The following CHODL variants were observed in gnomAD, a reference collection of about 807,000 sequenced individuals.
The protein encoded by CHODL is chondrolectin.
In CHODL, 29 loss-of-function variants were observed where a neutral mutation model predicts 34.5. The observed-to-expected ratio is 0.84, with a 90% CI of 0.63 to 1.15. The LOEUF is 1.15. Ranked by LOEUF, CHODL falls within the 50% of genes most tolerant of loss-of-function variation. The pLI, the probability that CHODL is intolerant of heterozygous loss-of-function variation, is 0.00. For missense variants in CHODL, 332 were observed against 332.5 expected (o/e 1.00, Z 0.01); for synonymous variants, 125 against 116.1 (o/e 1.08, Z -0.49).
In CHODL at chr21:17,999,889, TGAA is replaced by T. The variant is rs367830531; in HGVS notation, c.-144-27980_-144-27978del. On this transcript the variant is annotated intron_variant, in intron 1 of 6. Coordinates refer to the CHODL transcript ENST00000400127. ...TGTCAGTCTCCAGCTTGGTCGTGTGTGAAGATGTACACCAACCTCTCTGAGCCT... is the reference window on the plus strand; with the variant it reads ...TGTCAGTCTCCAGCTTGGTCGTGTGTGATGTACACCAACCTCTCTGAGCCT... 3.9e-4 allele frequency among the ~76,000 whole-genome samples: 59 copies of T among 152,316 alleles called. No individual in the cohort carries two copies. The South Asian group carries it at 0.012, about 31-fold the overall frequency.
chr21:18,048,665 C>A (rs528872017), intron 2 of CHODL, among the ~76,000 whole-genome samples: 66 of 151,962 alleles, frequency 4.3e-4, no homozygotes, highest in African/African-American at 1.4e-3. Context: ...GAATGGCATG[C>A]GAGGTAACTG....
intron 2 of CHODL, among the ~76,000 whole-genome samples, chr21:18,069,763 G>A (rs1359357049): frequency 2.0e-5 from 3 of 151,966 alleles, no homozygotes; most frequent in African/African-American, 7.2e-5. Flanking sequence ...CTACGGCTTA[G>A]AACATACTTT....
At chr21:18,000,479 C>T (rs563891957) in intron 1 of CHODL, among the ~76,000 whole-genome samples, 27 of 152,230 alleles carry the variant, frequency 1.8e-4, no homozygotes, top group Admixed American at 3.9e-4. Flanking sequence ...GCTTTGATGA[C>T]GATAAGTTGC....
intron 2 of CHODL, among the ~76,000 whole-genome samples, chr21:18,116,894 G>A (rs1038688891): frequency 1.3e-5 from 2 of 152,198 alleles, no homozygotes; most frequent in African/African-American, 2.4e-5. Flanking sequence ...CCAGATGAAT[G>A]AGCAAGGATG....
At chr21:18,201,485 T>C (rs1020859726) in intron 2 of CHODL, among the ~76,000 whole-genome samples, 5 of 152,128 alleles carry the variant, frequency 3.3e-5, no homozygotes, top group Non-Finnish European at 7.4e-5. Context: ...GACTTCTAGT[T>C]TGAAGGCCAG....
rs1348752233 is a variant in CHODL, at chr21:18,028,266, T to C, written c.-45+295T>C. On this transcript the variant is annotated intron_variant, in intron 2 of 6. Transcript: ENST00000400127. ...CTTCCCCTTTTCCTTTTCTTTTTCTTTTTCCTTTTCCCCTTCCTTCCTTCC... is the reference window on the plus strand; with the variant it reads ...CTTCCCCTTTTCCTTTTCTTTTTCTCTTTCCTTTTCCCCTTCCTTCCTTCC... 4.7e-4 allele frequency among the ~76,000 whole-genome samples: 21 copies of C among 44,306 alleles called. 1 individual carries two copies. Among genetic ancestry groups the C allele is most frequent in the African/African-American group, 2.2e-3 (18 of 8,312 alleles). 29.1% of individuals were successfully genotyped at this position (44,306 alleles called of 152,430 possible). A position where few individuals can be genotyped will look rare whatever the true frequency, so the allele number is the denominator to read the frequency against.
At chr21:18,098,051 A>C (rs1019911092) in intron 2 of CHODL, among the ~76,000 whole-genome samples, 1 of 152,100 alleles carries the variant, frequency 6.6e-6, no homozygotes, top group African/African-American at 2.4e-5. Context: ...CACCACATAC[A>C]AAAATAAAAT....
intron 2 of CHODL, among the ~76,000 whole-genome samples, chr21:18,040,814 A>T (rs1168974837): frequency 6.6e-6 from 1 of 151,798 alleles, no homozygotes; most frequent in Non-Finnish European, 1.5e-5. Flanking sequence ...AGGTGGTAAA[A>T]AAATCAGATG....
chr21:18,216,551 G>C (rs1056499048), intron 2 of CHODL, among the ~76,000 whole-genome samples: 2 of 152,020 alleles, frequency 1.3e-5, no homozygotes, highest in Admixed American at 1.3e-4. Flanking sequence ...TTTTGTGCCT[G>C]GCTTGTTTCA....
intron 5 of CHODL, among the ~76,000 whole-genome samples, chr21:18,265,507 T>G (rs1426776385): frequency 6.6e-6 from 1 of 151,786 alleles, no homozygotes; most frequent in African/African-American, 2.4e-5. Context: ...CACAGTGGAC[T>G]TTGGGGACTC....
At chr21:17,919,826 C>T (rs1385294240) in intron 1 of CHODL, among the ~76,000 whole-genome samples, 1 of 152,208 alleles carries the variant, frequency 6.6e-6, no homozygotes, top group Non-Finnish European at 1.5e-5. Context: ...GCACCCAAGT[C>T]ACCTCTTGAA....
chr21:17,934,672 C>T (rs1165396487), intron 1 of CHODL, among the ~76,000 whole-genome samples: 1 of 152,090 alleles, frequency 6.6e-6, no homozygotes, highest in Non-Finnish European at 1.5e-5. Context: ...TTTCATCCCA[C>T]CTCTTCCTTT....
rs527758046 is a variant in CHODL at position 18,007,865 on chromosome 21, A to T, written c.-144-20007A>T. On this transcript the variant is annotated intron_variant, in intron 1 of 6. Coordinates refer to the CHODL transcript ENST00000400127. Reference sequence around the variant, plus strand: ...ATTGTCAGTAAACATACTTTGGGTCAATTATTGATTCAGGTAGAATCTTAA... The same window carrying T: ...ATTGTCAGTAAACATACTTTGGGTCTATTATTGATTCAGGTAGAATCTTAA... Among the ~76,000 whole-genome samples the T allele has an allele frequency of 1.9e-4, 29 of 152,196 alleles. 1 individual carries two copies. Among genetic ancestry groups the T allele is most frequent in the Non-Finnish European group, 4.0e-4 (27 of 68,012 alleles).
chr21:18,109,738 A>C (rs186448329), intron 2 of CHODL, among the ~76,000 whole-genome samples: 4 of 152,174 alleles, frequency 2.6e-5, no homozygotes, highest in African/African-American at 9.7e-5. Flanking sequence ...TTTCTCTTGC[A>C]TGCAACAAAA....
intron 2 of CHODL, among the ~76,000 whole-genome samples, chr21:18,081,120 G>A (rs1453822078): frequency 1.3e-5 from 2 of 151,930 alleles, no homozygotes; most frequent in African/African-American, 4.8e-5. Context: ...ATTGCCTTCG[G>A]ATTTTGTCGT....
intron 2 of CHODL, among the ~76,000 whole-genome samples, chr21:18,104,638 T>A (rs1268067809): frequency 6.6e-6 from 1 of 152,182 alleles, no homozygotes; most frequent in African/African-American, 2.4e-5. Flanking sequence ...AAAAGTGACA[T>A]ACTTGAAGAA....
At chr21:18,265,853 T>C in intron 5 of CHODL, 101 bp from the exon 6 acceptor site, 2 of 840,830 alleles carry the variant, frequency 2.4e-6, no homozygotes, top group Non-Finnish European at 3.6e-6. Flanking sequence ...AGAGGGGGAG[T>C]CTTTCATAAA....
At chr21:18,167,793 G>GT (rs2073176626) in intron 2 of CHODL, among the ~76,000 whole-genome samples, 1 of 152,150 alleles carries the variant, frequency 6.6e-6, no homozygotes, top group African/African-American at 2.4e-5. Flanking sequence ...GAGACCTGGT[G>GT]TGATGGTTGA....
At chr21:18,236,234 T>TA (rs1489667901) in intron 2 of CHODL, among the ~76,000 whole-genome samples, 5 of 152,082 alleles carry the variant, frequency 3.3e-5, no homozygotes, top group Non-Finnish European at 5.9e-5. Context: ...AAGCCCCTTA[T>TA]AAAACCATTA....
Sources: gnomAD v4.1 joint callset for allele counts (sites outside exome capture counted in the v4.1 genomes callset) on GRCh38, gnomAD v4.1.1 for gene constraint, MANE v1.5 for transcripts, NCBI Gene and HGNC (gene_info 2026-07-23, HGNC 2026-07-21) for gene names.